The following SYT9 variants were observed in gnomAD, a reference collection of about 807,000 sequenced individuals.
The protein encoded by SYT9 is synaptotagmin 9.
A neutral mutation model predicts 48.4 loss-of-function variants in SYT9; 22 were observed. That is an observed-to-expected ratio of 0.45 (90% CI 0.32 to 0.65). The LOEUF (loss-of-function observed/expected upper bound fraction) is 0.65. Ranked by LOEUF, SYT9 falls within the 30% of genes least tolerant of loss-of-function variation. The pLI is 0.03. For missense variants in SYT9, 577 were observed against 622.0 expected (o/e 0.93, Z 0.77); for synonymous variants, 265 against 245.0 (o/e 1.08, Z -0.76).
chr11:7,328,665 T>A (rs1175618208), intron 3 of SYT9, among the ~76,000 whole-genome samples: 1 of 152,184 alleles, frequency 6.6e-6, no homozygotes, highest in Non-Finnish European at 1.5e-5. Context: ...CAATGATTGT[T>A]TAAATTTACC....
At chr11:7,436,907 G>T (rs939938448) in intron 6 of SYT9, among the ~76,000 whole-genome samples, 1 of 152,200 alleles carries the variant, frequency 6.6e-6, no homozygotes, top group Non-Finnish European at 1.5e-5. Flanking sequence ...ATCTCTCTGA[G>T]GATTCATTTC....
intron 6 of SYT9, among the ~76,000 whole-genome samples, chr11:7,421,728 C>A (rs548126874): frequency 3.3e-5 from 5 of 152,258 alleles, no homozygotes; most frequent in African/African-American, 7.2e-5. Flanking sequence ...TCTGAGGGTC[C>A]AATGCTATAA....
intron 3 of SYT9, among the ~76,000 whole-genome samples, chr11:7,399,323 C>G (rs938728293): frequency 1.3e-5 from 2 of 151,980 alleles, no homozygotes; most frequent in Non-Finnish European, 2.9e-5. Flanking sequence ...AACACTGAAC[C>G]AAACTAAAAA....
chr11:7,385,030 A>G (rs1036491718), intron 3 of SYT9, among the ~76,000 whole-genome samples: 12 of 152,034 alleles, frequency 7.9e-5, no homozygotes, highest in African/African-American at 2.4e-4. Context: ...TATTTAATAT[A>G]TTATTTAACT....
At chr11:7,367,045 T>TCATTAC (rs1325421185) in intron 3 of SYT9, among the ~76,000 whole-genome samples, 1 of 148,702 alleles carries the variant, frequency 6.7e-6, no homozygotes, top group Non-Finnish European at 1.5e-5. Flanking sequence ...TGCCCTCTTA[T>TCATTAC]CATTACCCTT....
At chr11:7,276,729 C>T (rs779724993) in intron 1 of SYT9, among the ~76,000 whole-genome samples, 3 of 152,118 alleles carry the variant, frequency 2.0e-5, no homozygotes, top group Admixed American at 6.5e-5. Flanking sequence ...TTTGCATTTT[C>T]CTTAGCACTG....
chr11:7,262,349 T>G (rs1386133146), intron 1 of SYT9, among the ~76,000 whole-genome samples: 3 of 152,230 alleles, frequency 2.0e-5, no homozygotes, highest in Non-Finnish European at 4.4e-5. Flanking sequence ...ACTAGCCGTC[T>G]GGATATATGA....
intron 6 of SYT9, among the ~76,000 whole-genome samples, chr11:7,424,706 A>G (rs1022521513): frequency 1.3e-5 from 2 of 152,198 alleles, no homozygotes; most frequent in South Asian, 4.1e-4. Context: ...CAGCACTATT[A>G]TCCTATAGGC....
chr11:7,443,099 G>A (rs889857902), intron 6 of SYT9, among the ~76,000 whole-genome samples: 25 of 152,212 alleles, frequency 1.6e-4, no homozygotes, highest in African/African-American at 5.5e-4. Context: ...CCTTGTGGAA[G>A]TCTAGATTTG....
At chr11:7,466,241 A>G (rs1051632381) in intron 6 of SYT9, among the ~76,000 whole-genome samples, 1 of 152,164 alleles carries the variant, frequency 6.6e-6, no homozygotes, top group African/African-American at 2.4e-5. Flanking sequence ...AATGCTCTCT[A>G]TAGACCTCCT....
chr11:7,454,052 T>C (rs1406144655), intron 6 of SYT9: 1 of 985,290 alleles, frequency 1.0e-6, no homozygotes, highest in Non-Finnish European at 1.2e-6. Context: ...CAGGGCAGGA[T>C]ACCAATCCCT....
chr11:7,400,370 T>C (rs895716973), intron 3 of SYT9, among the ~76,000 whole-genome samples: 1 of 152,126 alleles, frequency 6.6e-6, no homozygotes, highest in African/African-American at 2.4e-5. Flanking sequence ...ACCTTACATA[T>C]GCAAAAAATA....
chr11:7,271,604 T>A (rs1214787763), intron 1 of SYT9, among the ~76,000 whole-genome samples: 2 of 152,034 alleles, frequency 1.3e-5, no homozygotes, highest in African/African-American at 4.8e-5. Context: ...TGAGATGGAG[T>A]CTTGCTCTGT....
Position 7,416,152 on chromosome 11 carries a change from A to G in SYT9, c.1155A>G (p.Thr385=). ...GGAATTTAAAGGCAATGGACATAAC[A>G]GGAGCATCAGGTGGGGCATTTTCAA... ...KARNLKAMDI[T]GASDPYVKVS... is the part of the protein sequence containing the mutation. The change falls in exon 4 of 7, where the codon ACA becomes ACG. Residue 385 remains threonine, a synonymous_variant. Coordinates refer to ENST00000318881, the MANE Select transcript of SYT9 (RefSeq NM_175733.4). 1 of 1,614,188 alleles carries G rather than the reference A, an allele frequency of 6.2e-7. No homozygotes were observed. Among genetic ancestry groups the G allele is most frequent in the South Asian group, 1.1e-5 (1 of 91,084 alleles).
chr11:7,465,096 G>C (rs780208815), intron 6 of SYT9, among the ~76,000 whole-genome samples: 16 of 151,680 alleles, frequency 1.1e-4, no homozygotes, highest in Non-Finnish European at 1.6e-4. Flanking sequence ...CAAAAAAAAC[G>C]AAAGTAGAGC....
In SYT9 at chr11:7,313,682, T is replaced by C. The variant is rs1849185069; in HGVS notation, c.785T>C (p.Ile262Thr). ...FSGTSDPYVKIYLLPDRKTKH... is the reference protein window; with the variant it reads ...FSGTSDPYVKTYLLPDRKTKH... Reference sequence around the variant, plus strand: ...GGGACTTCAGATCCTTATGTCAAGATCTATTTGCTTCCTGATCGGAAAACA... The same window carrying C: ...GGGACTTCAGATCCTTATGTCAAGACCTATTTGCTTCCTGATCGGAAAACA... The change falls in exon 3 of 7, where the codon ATC becomes ACC. Residue 262 changes from isoleucine to threonine, a missense_variant. By Grantham distance (89) the Ile-to-Thr change is moderately conservative (BLOSUM62 -1). Coordinates refer to ENST00000318881, the MANE Select transcript of SYT9 (RefSeq NM_175733.4). The C allele has an allele frequency of 6.2e-7, 1 of 1,614,046 alleles. No individual in the cohort carries two copies. The highest frequency in any genetic ancestry group is 8.5e-7 in the Non-Finnish European group (1 of 1,180,022).
intron 3 of SYT9, among the ~76,000 whole-genome samples, chr11:7,337,043 C>G (rs946564145): frequency 6.6e-6 from 1 of 152,094 alleles, no homozygotes; most frequent in African/African-American, 2.4e-5. Context: ...TTGTAATTCT[C>G]ACTGTAGACA....
rs181191809 is a variant in SYT9 at position 7,336,997 on chromosome 11, T to C, written c.1044+23056T>C. 2.9e-3 allele frequency among the ~76,000 whole-genome samples: 444 copies of C among 152,312 alleles called. 1 individual carries two copies. The highest frequency in any genetic ancestry group is 4.7e-3 in the Non-Finnish European group (321 of 68,020). ...CCATGAGCACGGAATGTTTTTCCAT[T>C]TGTTTGTGTCATCTCTGATTTCTTT... On this transcript the variant is annotated intron_variant, in intron 3 of 6. Transcript: ENST00000318881.
chr11:7,274,317 CTTT>C (rs576480483), intron 1 of SYT9, among the ~76,000 whole-genome samples: 4,392 of 124,980 alleles, frequency 0.035, 72 homozygotes, highest in Non-Finnish European at 0.044. Flanking sequence ...TGAAGTTCAT[CTTT>C]TTTTTTTTTT....
Sources: allele counts gnomAD v4.1 joint callset (sites outside exome capture counted in the v4.1 genomes callset), GRCh38; gene constraint gnomAD v4.1.1; transcripts MANE v1.5; gene names NCBI Gene and HGNC (gene_info 2026-07-23, HGNC 2026-07-21).